Variants in CCDC60 observed in about 807,000 individuals in gnomAD.
The protein encoded by CCDC60 is coiled-coil domain-containing protein 60.
CCDC60 carries 54 observed loss-of-function variants against 63.5 expected under a neutral mutation model. The observed-to-expected ratio is 0.85, with a 90% CI of 0.68 to 1.07. The LOEUF (loss-of-function observed/expected upper bound fraction) is 1.07, where lower values mean the gene tolerates loss of function less well. Among genes scored for constraint, CCDC60 ranks in the 50% least tolerant of loss-of-function variants. The pLI is 0.00. For synonymous variants in CCDC60, 206 were observed against 238.8 expected (o/e 0.86, Z 1.27); for missense variants, 651 against 684.3 (o/e 0.95, Z 0.54).
chr12:119,418,911 G>T (rs1230138806), intron 1 of CCDC60, among the ~76,000 whole-genome samples: 1 of 152,146 alleles, frequency 6.6e-6, no homozygotes, highest in African/African-American at 2.4e-5. Context: ...TGTATCCCTT[G>T]GACTTCTCTC....
chr12:119,365,746 A>G (rs1955834041), intron 1 of CCDC60, among the ~76,000 whole-genome samples: 2 of 152,366 alleles, frequency 1.3e-5, no homozygotes, highest in South Asian at 4.1e-4. Flanking sequence ...TGTTGTCTGC[A>G]TGTAATTTGT....
chr12:119,487,562 G>A (rs771205679), intron 4 of CCDC60, among the ~76,000 whole-genome samples: 2 of 152,034 alleles, frequency 1.3e-5, no homozygotes, highest in Non-Finnish European at 1.5e-5. Context: ...TTCCCAAAGT[G>A]CTGGGATTAC....
intron 1 of CCDC60, among the ~76,000 whole-genome samples, chr12:119,379,833 C>G (rs1197592944): frequency 6.6e-6 from 1 of 152,150 alleles, no homozygotes; most frequent in African/African-American, 2.4e-5. Flanking sequence ...GCAGAAGCCT[C>G]AACACCCTGC....
rs1952830003 is a variant in CCDC60 at position 119,531,150 on chromosome 12, G to A, written c.1551+87G>A. 3 of 1,178,486 alleles carry A rather than the reference G, an allele frequency of 2.5e-6. No homozygotes were observed. The Admixed American group carries it at 6.6e-5, about 26-fold the overall frequency. 73.0% of individuals were successfully genotyped at this position (1,178,486 alleles called of 1,614,324 possible). ...CATTCAGGCACTGTTTAAGTGCTGG[G>A]GACACAAAGTCCCCTGCCTTTATGG... On this transcript the variant is annotated intron_variant, in intron 13 of 13. Transcript: ENST00000327554.
At chr12:119,455,342 A>G (rs1950706097) in intron 2 of CCDC60, among the ~76,000 whole-genome samples, 1 of 152,228 alleles carries the variant, frequency 6.6e-6, no homozygotes, top group South Asian at 2.1e-4. Flanking sequence ...AGACAGTAAG[A>G]AAGGCAGACA....
At chr12:119,482,770 G>A (rs767361851) in intron 4 of CCDC60, among the ~76,000 whole-genome samples, 11 of 152,054 alleles carry the variant, frequency 7.2e-5, no homozygotes, top group South Asian at 2.1e-4. Flanking sequence ...AGGTTGGCTC[G>A]GCTGATCTTG....
intron 11 of CCDC60, among the ~76,000 whole-genome samples, chr12:119,524,721 C>CTTTTTTTTTTTTTTGTTTTTTT (rs1952636820): frequency 1.0e-5 from 1 of 99,050 alleles, no homozygotes; most frequent in Non-Finnish European, 1.9e-5. Flanking sequence ...CTTTTCTTTT[C>CTTTTTTTTTTTTTTGTTTTTTT]TTTTTTTTTT....
Position 119,472,064 on chromosome 12 carries a change from A to G in CCDC60, c.241A>G (p.Lys81Glu). Residue 81 changes from lysine (K) to glutamate (E), a missense_variant, in exon 3 of 14, where the codon AAG becomes GAG. Transcript: ENST00000327554. ...TCTGAGGGAAGAGACTGCAAAGAAA[A>G]AGAAGCAACAACAACTTCAGAAACT... The part of the protein sequence containing the change: ...AILREETAKK[K>E]KQQQLQKLKE... 1.2e-6 allele frequency: 2 copies of G among 1,614,152 alleles called. No individual in the cohort carries two copies. The highest frequency in any genetic ancestry group is 2.2e-5 in the South Asian group (2 of 91,084).
At chr12:119,411,906 T>C (rs1956609649) in intron 1 of CCDC60, among the ~76,000 whole-genome samples, 1 of 151,996 alleles carries the variant, frequency 6.6e-6, no homozygotes, top group Admixed American at 6.5e-5. Context: ...CCCCACACGG[T>C]TTGATGCCTG....
intron 2 of CCDC60, among the ~76,000 whole-genome samples, chr12:119,443,686 AAC>A (rs1206422656): frequency 1.3e-5 from 2 of 152,236 alleles, no homozygotes. Context: ...AGTGTATGAA[AAC>A]AAAAACTGTC....
Position 119,540,763 on chromosome 12 carries a change from T to C in CCDC60, c.*48T>C, listed in dbSNP as rs1953141488. On this transcript the variant is annotated 3_prime_UTR_variant, in exon 14 of 14. Coordinates refer to ENST00000327554, the MANE Select transcript of CCDC60 (RefSeq NM_178499.5). The stretch of plus-strand genomic sequence containing the variant: ...GTCTCAGTGGAGGAGTGTTTGCCTA[T>C]ATCATGTTCCTGTATCCTGCCTGTG... The C allele has an allele frequency of 1.5e-6, 2 of 1,324,176 alleles. No individual in the cohort carries two copies. Among genetic ancestry groups the C allele is most frequent in the African/African-American group, 1.4e-5 (1 of 69,084 alleles). 82.0% of individuals were successfully genotyped at this position (1,324,176 alleles called of 1,614,324 possible).
At chr12:119,349,690 C>T (rs942499409) in intron 1 of CCDC60, among the ~76,000 whole-genome samples, 1 of 152,094 alleles carries the variant, frequency 6.6e-6, no homozygotes, top group African/African-American at 2.4e-5. Context: ...CTGAAGTTGA[C>T]AACGGACAGA....
intron 2 of CCDC60, among the ~76,000 whole-genome samples, chr12:119,449,100 GC>G (rs1282205644): frequency 6.6e-6 from 1 of 152,178 alleles, no homozygotes; most frequent in Non-Finnish European, 1.5e-5. Context: ...ATGCTGTGTG[GC>G]CTGAGGGTCT....
At chr12:119,353,717 C>T (rs944577695) in intron 1 of CCDC60, among the ~76,000 whole-genome samples, 8 of 148,748 alleles carry the variant, frequency 5.4e-5, no homozygotes, top group East Asian at 2.0e-4. Context: ...AAGCAATTCT[C>T]CTGCCTCAGC....
chr12:119,499,859 C>T (rs1951805407), intron 5 of CCDC60, among the ~76,000 whole-genome samples: 1 of 152,172 alleles, frequency 6.6e-6, no homozygotes. Context: ...CCTCCCTCCT[C>T]CACCCAGTAA....
chr12:119,402,768 G>C (rs1313488200), intron 1 of CCDC60, among the ~76,000 whole-genome samples: 1 of 152,116 alleles, frequency 6.6e-6, no homozygotes, highest in Admixed American at 6.5e-5. Flanking sequence ...TTAAATGAAA[G>C]ATCTCCCATG....
intron 3 of CCDC60, among the ~76,000 whole-genome samples, chr12:119,475,776 G>A (rs1951163759): frequency 6.6e-6 from 1 of 152,040 alleles, no homozygotes; most frequent in Non-Finnish European, 1.5e-5. Context: ...CTTATTATGA[G>A]GATTAAATGA....
intron 5 of CCDC60, among the ~76,000 whole-genome samples, chr12:119,491,681 G>A (rs914161678): frequency 4.6e-5 from 7 of 151,978 alleles, no homozygotes; most frequent in Admixed American, 2.0e-4. Flanking sequence ...GCTGGATTCC[G>A]GGAAGGAGAA....
At chr12:119,471,559 G>T (rs1257400085) in intron 2 of CCDC60, among the ~76,000 whole-genome samples, 1 of 152,146 alleles carries the variant, frequency 6.6e-6, no homozygotes, top group Non-Finnish European at 1.5e-5. Flanking sequence ...ATAAACATTT[G>T]TTGAGTGATG....
Sources: gnomAD v4.1 joint callset for allele counts (sites outside exome capture counted in the v4.1 genomes callset) on GRCh38, gnomAD v4.1.1 for gene constraint, MANE v1.5 for transcripts, NCBI Gene and HGNC (gene_info 2026-07-23, HGNC 2026-07-21) for gene names.